The following SRPK1 variants were observed in gnomAD, a reference collection of about 807,000 sequenced individuals.
SRPK1 encodes the protein SRSF protein kinase 1, also known as SFRS protein kinase 1.
SRPK1 carries 52 observed loss-of-function variants against 89.5 expected under a neutral mutation model. The observed-to-expected ratio is 0.58, with a 90% CI of 0.46 to 0.73. The LOEUF is 0.73. SRPK1 is among the 30% of genes least tolerant of loss of function. The pLI, the probability that SRPK1 is intolerant of heterozygous loss-of-function variation, is 0.00. For synonymous variants in SRPK1, 255 were observed against 270.2 expected, an observed-to-expected ratio of 0.94 and a Z score of 0.55; for missense variants, 603 against 780.6, an observed-to-expected ratio of 0.77 and a Z score of 2.71.
intron 13 of SRPK1, among the ~76,000 whole-genome samples, chr6:35,847,926 C>A (rs1400349303): frequency 2.6e-5 from 4 of 151,858 alleles, no homozygotes; most frequent in Non-Finnish European, 4.4e-5. Context: ...CTCCCAGCCT[C>A]AGGTGATTCT....
chr6:35,847,246 A>G lies in SRPK1; in HGVS notation c.1621-4642T>C, dbSNP rs147871173. Among the ~76,000 whole-genome samples, 585 of 152,334 alleles carry G rather than the reference A, an allele frequency of 3.8e-3. 2 individuals carry two copies. Among genetic ancestry groups the G allele is most frequent in the African/African-American group, 0.013 (550 of 41,580 alleles). ...TGGCAAGATGGAGTCTTGCTCTGTC[A>G]TCCAGGATGGAGTGCAGTGGCACAA... On this transcript the variant is annotated intron_variant, in intron 13 of 15. Coordinates refer to ENST00000373825, the MANE Select transcript of SRPK1 (RefSeq NM_003137.5).
rs982205264 is a variant in SRPK1 at position 35,921,060 on chromosome 6, G to C, written c.-4C>G. ...ACCGCTCACCTTTCCGCTCCATGGT[G>C]AGACCGGTAATCGCCAGGCGCCTGC... is the stretch of plus-strand genomic sequence containing the variant. On this transcript the variant is annotated 5_prime_UTR_variant, in exon 1 of 16. Coordinates refer to ENST00000373825, the MANE Select transcript of SRPK1 (RefSeq NM_003137.5). The C allele has an allele frequency of 1.1e-5, 17 of 1,536,088 alleles. No homozygotes were observed. The African/African-American group carries it at 2.3e-4, about 21-fold the overall frequency.
rs1313617889 is a variant in SRPK1, at chr6:35,897,573, G to C, written c.75-6560C>G. Among the ~76,000 whole-genome samples, 3 of 152,286 alleles carry C rather than the reference G, an allele frequency of 2.0e-5. No homozygotes were observed. The East Asian group carries it at 5.8e-4, about 29-fold the overall frequency. On this transcript the variant is annotated intron_variant, in intron 2 of 15. Transcript: ENST00000373825. Reference sequence around the variant, plus strand: ...TCTACCGCCCAGGCTGCAGTGCAGTGGTGCTATCACGGCTCCCTCCAGCCT... The same window carrying C: ...TCTACCGCCCAGGCTGCAGTGCAGTCGTGCTATCACGGCTCCCTCCAGCCT...
At chr6:35,855,241 G>T (rs551618890) in intron 13 of SRPK1, among the ~76,000 whole-genome samples, 169 of 152,148 alleles carry the variant, frequency 1.1e-3, no homozygotes, top group Non-Finnish European at 1.9e-3. Context: ...GGCGGAGCTT[G>T]CAGTGAGCCA....
chr6:35,890,581 T>G (rs1399937489), intron 3 of SRPK1, among the ~76,000 whole-genome samples: 1 of 152,258 alleles, frequency 6.6e-6, no homozygotes, highest in Non-Finnish European at 1.5e-5. Flanking sequence ...TGCCAAAATG[T>G]TATCACTGGT....
Position 35,870,921 on chromosome 6 carries a change from A to ACAG in SRPK1, c.777+12_777+13insCTG. 1 of 1,594,740 alleles carries ACAG rather than the reference A, an allele frequency of 6.3e-7. No individual in the cohort carries two copies. On this transcript the variant is annotated intron_variant, in intron 9 of 15. Coordinates refer to ENST00000373825, the MANE Select transcript of SRPK1 (RefSeq NM_003137.5). ...ATAGATCAAAATTAAATATAAAAAC[A>ACAG]CCTTATACTTACTGGTTTAGGCTGG...
intron 14 of SRPK1, among the ~76,000 whole-genome samples, chr6:35,840,239 G>A (rs1174710965): frequency 6.6e-6 from 1 of 152,180 alleles, no homozygotes; most frequent in Non-Finnish European, 1.5e-5. Context: ...TATTATCTGG[G>A]AATTTGTGAA....
At chr6:35,914,452 C>A (rs1481733234) in intron 2 of SRPK1, among the ~76,000 whole-genome samples, 1 of 152,172 alleles carries the variant, frequency 6.6e-6, no homozygotes, top group South Asian at 2.1e-4. Flanking sequence ...TACAAGAACA[C>A]TCCCATTTCC....
intron 2 of SRPK1, among the ~76,000 whole-genome samples, chr6:35,907,712 TA>T (rs1048914578): frequency 1.5e-4 from 11 of 71,442 alleles, no homozygotes; most frequent in South Asian, 1.2e-3. Context: ...TCTCAAAAAA[TA>T]AAAAATAAAA....
chr6:35,920,401 T>A, intron 2 of SRPK1, 67 bp downstream of exon 2: 1 of 1,577,104 alleles, frequency 6.3e-7, no homozygotes. Flanking sequence ...GTTCAAGACG[T>A]GAAACCAGAG....
At chr6:35,915,997 T>TACACACACACAC (rs57574093) in intron 2 of SRPK1, among the ~76,000 whole-genome samples, 3 of 90,230 alleles carry the variant, frequency 3.3e-5, no homozygotes, top group African/African-American at 5.7e-5. Context: ...AAAAAATATA[T>TACACACACACAC]ACACACACAC....
chr6:35,874,212 T>C (rs1273089972), intron 7 of SRPK1, 21 bp downstream of exon 7: 1 of 1,525,634 alleles, frequency 6.6e-7, no homozygotes, highest in Admixed American at 1.8e-5. Context: ...ACTAAGATAC[T>C]TGCTGATTCA....
chr6:35,863,327 C>T (rs570874969), intron 12 of SRPK1, among the ~76,000 whole-genome samples: 41 of 148,008 alleles, frequency 2.8e-4, no homozygotes, highest in African/African-American at 9.0e-4. Flanking sequence ...CCTGGTGGTG[C>T]GTGCCTGTAG....
chr6:35,877,922 C>A (rs73404067), intron 6 of SRPK1, among the ~76,000 whole-genome samples: 9,713 of 150,694 alleles, frequency 0.064, 928 homozygotes, highest in African/African-American at 0.21. Flanking sequence ...CTGGATGGAA[C>A]AAATGGCAGA....
At chr6:35,906,212 C>T (rs541711499) in intron 2 of SRPK1, among the ~76,000 whole-genome samples, 56 of 152,166 alleles carry the variant, frequency 3.7e-4, no homozygotes, top group African/African-American at 1.3e-3. Flanking sequence ...ACACATGATA[C>T]AACATGCACG....
chr6:35,888,955 A>T, intron 3 of SRPK1, 32 bp from the exon 4 acceptor site: 5 of 1,440,638 alleles, frequency 3.5e-6, no homozygotes, highest in Non-Finnish European at 4.9e-6. Context: ...CAATCAGAAA[A>T]ACCAGGATGA....
At chr6:35,836,772 T>C (rs929064768) in intron 15 of SRPK1, among the ~76,000 whole-genome samples, 3 of 149,526 alleles carry the variant, frequency 2.0e-5, no homozygotes, top group African/African-American at 4.9e-5. Flanking sequence ...ATAATAATAA[T>C]AATAATAATA....
chr6:35,881,120 A>C (rs1319066594), intron 6 of SRPK1, among the ~76,000 whole-genome samples: 1 of 152,210 alleles, frequency 6.6e-6, no homozygotes, highest in Non-Finnish European at 1.5e-5. Context: ...AAGTGAGAGA[A>C]AAATTAAGAC....
intron 2 of SRPK1, among the ~76,000 whole-genome samples, chr6:35,896,200 T>A (rs1770623798): frequency 6.6e-6 from 1 of 152,080 alleles, no homozygotes; most frequent in African/African-American, 2.4e-5. Context: ...TCTTGAGGAG[T>A]GAACCCTCAA....
Sources: allele counts gnomAD v4.1 joint callset (sites outside exome capture counted in the v4.1 genomes callset), GRCh38; gene constraint gnomAD v4.1.1; transcripts MANE v1.5; gene names NCBI Gene and HGNC (gene_info 2026-07-23, HGNC 2026-07-21).